Variants in PTN observed in about 807,000 individuals in gnomAD.
The protein encoded by PTN is pleiotrophin.
A neutral mutation model predicts 24.1 loss-of-function variants in PTN; 18 were observed. That is an observed-to-expected ratio of 0.75 (90% confidence interval 0.52 to 1.11). PTN has a LOEUF of 1.11. Among genes scored for constraint, PTN ranks in the 50% least tolerant of loss-of-function variants. The pLI is 0.00. For synonymous variants in PTN, 78 were observed against 68.6 expected (o/e 1.14, Z -0.67); for missense variants, 163 against 198.8 (o/e 0.82, Z 1.08).
At chr7:137,237,553 A>G (rs1046773607) in intron 4 of PTN, among the ~76,000 whole-genome samples, 5 of 152,196 alleles carry the variant, frequency 3.3e-5, no homozygotes, top group Non-Finnish European at 7.3e-5. Flanking sequence ...CCAGAATTAA[A>G]TAATTTTTAA....
At chr7:137,265,563 C>T (rs1476572895) in intron 1 of PTN, among the ~76,000 whole-genome samples, 3 of 152,236 alleles carry the variant, frequency 2.0e-5, no homozygotes, top group African/African-American at 4.8e-5. Flanking sequence ...GGCTGGATGG[C>T]CCTCAGGGGC....
At position 137,274,527 on chromosome 7, in the gene PTN, G is replaced by A. The variant is rs141812423; in HGVS notation, c.-1-19553C>T. Reference sequence around the variant, plus strand: ...TCCCTCCCCTAGGCCCCCACCCCCCGACAGGCCCTGGTGTGTGATGTTCCC... The same window carrying A: ...TCCCTCCCCTAGGCCCCCACCCCCCAACAGGCCCTGGTGTGTGATGTTCCC... On this transcript the variant is annotated intron_variant, in intron 1 of 4. Transcript: ENST00000348225. 2.2e-4 allele frequency among the ~76,000 whole-genome samples: 33 copies of A among 148,018 alleles called. 1 individual carries two copies. In the East Asian group the frequency reaches 5.3e-3, roughly 24 times the overall value.
chr7:137,286,240 C>A (rs563680379), intron 1 of PTN, among the ~76,000 whole-genome samples: 2 of 152,202 alleles, frequency 1.3e-5, no homozygotes, highest in Admixed American at 1.3e-4. Context: ...ATGTAATCAG[C>A]AATATGGGAA....
chr7:137,286,876 T>A (rs1191834115), intron 1 of PTN, among the ~76,000 whole-genome samples: 2 of 152,206 alleles, frequency 1.3e-5, no homozygotes, highest in African/African-American at 4.8e-5. Context: ...TATGATTCTA[T>A]CGTGCTCAAT....
chr7:137,261,402 T>C (rs1809035337), intron 1 of PTN, among the ~76,000 whole-genome samples: 1 of 152,186 alleles, frequency 6.6e-6, no homozygotes, highest in Non-Finnish European at 1.5e-5. Flanking sequence ...ATGGTAATAA[T>C]ATAAATATTA....
chr7:137,258,926 A>G (rs905852750), intron 1 of PTN, among the ~76,000 whole-genome samples: 3 of 152,084 alleles, frequency 2.0e-5, no homozygotes, highest in African/African-American at 7.2e-5. Context: ...GGAAAATAAA[A>G]TAGTGCGAGA....
chr7:137,270,717 C>G (rs572645892), intron 1 of PTN, among the ~76,000 whole-genome samples: 1 of 151,994 alleles, frequency 6.6e-6, no homozygotes, highest in Admixed American at 6.6e-5. Context: ...ATTTAGTGGG[C>G]AAGCTGGAAA....
chr7:137,342,620 T>C (rs1159440305), intron 1 of PTN, among the ~76,000 whole-genome samples: 1 of 152,190 alleles, frequency 6.6e-6, no homozygotes, highest in East Asian at 1.9e-4. Context: ...ACTTTCCATC[T>C]ATTAAGAAAG....
At chr7:137,248,295 A>C (rs11763248) in intron 4 of PTN, among the ~76,000 whole-genome samples, 16,093 of 152,218 alleles carry the variant, frequency 0.11, 1,139 homozygotes, top group East Asian at 0.26. Flanking sequence ...AACTAGGAAA[A>C]ATATGCCATG....
At chr7:137,285,689 T>C (rs1159944921) in intron 1 of PTN, among the ~76,000 whole-genome samples, 1 of 152,066 alleles carries the variant, frequency 6.6e-6, no homozygotes, top group East Asian at 1.9e-4. Flanking sequence ...AAAAATAAAG[T>C]AGTTGCTAAC....
rs576835632 is a variant in PTN at position 137,293,647 on chromosome 7, G to T, written c.-1-38673C>A. ...AGACTGTATTTCTAGCACAGTTTTAGGTTCACTGCAAAACAGAGTGGGAAA... is the reference window on the plus strand; with the variant it reads ...AGACTGTATTTCTAGCACAGTTTTATGTTCACTGCAAAACAGAGTGGGAAA... On this transcript the variant is annotated intron_variant, in intron 1 of 4. Coordinates refer to ENST00000348225, the MANE Select transcript of PTN (RefSeq NM_002825.7). Among the ~76,000 whole-genome samples the T allele has an allele frequency of 4.6e-5, 7 of 152,066 alleles. No homozygotes were observed. In the South Asian group the frequency reaches 1.5e-3, roughly 32 times the overall value.
chr7:137,320,196 C>T (rs1810140207), intron 1 of PTN, among the ~76,000 whole-genome samples: 1 of 152,200 alleles, frequency 6.6e-6, no homozygotes, highest in African/African-American at 2.4e-5. Flanking sequence ...CTACTTTTGT[C>T]TGTTTCTACT....
chr7:137,241,002 A>G (rs945355283), intron 4 of PTN, among the ~76,000 whole-genome samples: 3 of 152,256 alleles, frequency 2.0e-5, no homozygotes, highest in Non-Finnish European at 4.4e-5. Context: ...ACAGTTCTGC[A>G]TGGCTGGAGA....
chr7:137,297,671 C>G (rs1364335610), intron 1 of PTN, among the ~76,000 whole-genome samples: 1 of 151,902 alleles, frequency 6.6e-6, no homozygotes, highest in African/African-American at 2.4e-5. Flanking sequence ...AAATAAATAG[C>G]CCAGGCGCAT....
chr7:137,239,585 G>A (rs1434287302), intron 4 of PTN, among the ~76,000 whole-genome samples: 2 of 150,934 alleles, frequency 1.3e-5, no homozygotes, highest in Admixed American at 1.3e-4. Flanking sequence ...AGAGTGTGAT[G>A]TTTCCCTTCC....
At position 137,286,000 on chromosome 7, in the gene PTN, A is replaced by C. The variant is rs537260730; in HGVS notation, c.-1-31026T>G. ...TGGTTTTCACATACGTAGGAAATAGAAGGAAGGAAAATAAATGCTACAGCC... is the reference window on the plus strand; with the variant it reads ...TGGTTTTCACATACGTAGGAAATAGCAGGAAGGAAAATAAATGCTACAGCC... On this transcript the variant is annotated intron_variant, in intron 1 of 4. Transcript: ENST00000348225. Among the ~76,000 whole-genome samples the C allele has an allele frequency of 2.7e-4, 41 of 152,260 alleles. 1 individual carries two copies. In the South Asian group the frequency reaches 8.5e-3, roughly 32 times the overall value.
intron 4 of PTN, among the ~76,000 whole-genome samples, chr7:137,231,094 A>G (rs779073818): frequency 1.3e-5 from 2 of 151,762 alleles, no homozygotes; most frequent in Non-Finnish European, 2.9e-5. Flanking sequence ...TAGAGCACCT[A>G]TCTCTAGCAT....
chr7:137,309,696 T>C (rs1809948909), intron 1 of PTN, among the ~76,000 whole-genome samples: 1 of 152,154 alleles, frequency 6.6e-6, no homozygotes, highest in South Asian at 2.1e-4. Flanking sequence ...TGCTCACCCA[T>C]AAGAAGCAAC....
At chr7:137,231,466 A>G (rs2128867291) in intron 4 of PTN, among the ~76,000 whole-genome samples, 1 of 151,992 alleles carries the variant, frequency 6.6e-6, no homozygotes, top group South Asian at 2.1e-4. Context: ...CCGTGCACAG[A>G]CACTCTCATT....
Sources: allele counts gnomAD v4.1 joint callset (sites outside exome capture counted in the v4.1 genomes callset), GRCh38; gene constraint gnomAD v4.1.1; transcripts MANE v1.5; gene names NCBI Gene and HGNC (gene_info 2026-07-23, HGNC 2026-07-21).